DCLK2: variants seen among roughly 807,000 people sequenced by gnomAD.
DCLK2 encodes doublecortin like kinase 2, also known as serine/threonine-protein kinase DCLK2.
In DCLK2, 31 loss-of-function variants were observed where a neutral mutation model predicts 78.4. That is an observed-to-expected ratio of 0.40 (90% CI 0.30 to 0.53). The LOEUF is 0.53. Among genes scored for constraint, DCLK2 ranks in the 20% least tolerant of loss-of-function variants. The pLI, the probability that DCLK2 is intolerant of heterozygous loss-of-function variation, is 0.61. For synonymous variants in DCLK2, 407 were observed against 374.9 expected, an observed-to-expected ratio of 1.09 and a Z score of -0.99; for missense variants, 872 against 973.7, an observed-to-expected ratio of 0.90 and a Z score of 1.39.
chr4:150,211,995 T>C lies in DCLK2; in HGVS notation c.1056+8106T>C, dbSNP rs529853239. 2.0e-5 allele frequency among the ~76,000 whole-genome samples: 3 copies of C among 152,326 alleles called. No homozygotes were observed. The South Asian group carries it at 6.2e-4, about 32-fold the overall frequency. ...GGATGAAGAAAGCATTTCCCTGAAC[T>C]TTAATTCATCATTCATGTTCCAGTT... On this transcript the variant is annotated intron_variant, in intron 5 of 15. Transcript: ENST00000296550.
intron 2 of DCLK2, among the ~76,000 whole-genome samples, chr4:150,122,364 C>T (rs1027922265): frequency 3.3e-5 from 5 of 152,104 alleles, no homozygotes; most frequent in Admixed American, 2.6e-4. Flanking sequence ...TCCATATGCC[C>T]GTCAATGATA....
chr4:150,219,089 A>G (rs531841360), intron 5 of DCLK2, among the ~76,000 whole-genome samples: 7 of 151,968 alleles, frequency 4.6e-5, no homozygotes, highest in Non-Finnish European at 1.0e-4. Flanking sequence ...CTGTAGTCCC[A>G]GCTACTTGGG....
chr4:150,139,813 T>A (rs1211644821), intron 2 of DCLK2, among the ~76,000 whole-genome samples: 1 of 152,228 alleles, frequency 6.6e-6, no homozygotes, highest in Non-Finnish European at 1.5e-5. Flanking sequence ...GAGTCAAGTG[T>A]ACATTCCAGT....
At chr4:150,241,021 G>A (rs1018376377) in intron 12 of DCLK2, among the ~76,000 whole-genome samples, 8 of 152,084 alleles carry the variant, frequency 5.3e-5, no homozygotes, top group East Asian at 1.9e-4. Context: ...GAAGCAGTCC[G>A]AATCCTTCCA....
At position 150,175,064 on chromosome 4, in the gene DCLK2, T is replaced by TTA. The variant is rs367731947; in HGVS notation, c.757-18066_757-18065dup. ...TATATTTATATATTTATATATATATTTATATATATTTATATATTTATATAT... is the reference window on the plus strand; with the variant it reads ...TATATTTATATATTTATATATATATTTATATATATATTTATATATTTATATAT... On this transcript the variant is annotated intron_variant, in intron 2 of 15. Coordinates refer to ENST00000296550, the MANE Select transcript of DCLK2 (RefSeq NM_001040260.4). Among the ~76,000 whole-genome samples the TTA allele has an allele frequency of 4.3e-4, 5 of 11,706 alleles. 1 individual carries two copies. Among genetic ancestry groups the TTA allele is most frequent in the African/African-American group, 1.2e-3 (5 of 4,246 alleles). The allele number at this position is 11,706 out of a possible 152,430, so 7.7% of individuals were successfully genotyped here. A position where few individuals can be genotyped will look rare whatever the true frequency, so the allele number is the denominator to read the frequency against.
At chr4:150,253,427 T>A (rs1407555628) in intron 15 of DCLK2, 5 of 1,289,370 alleles carry the variant, frequency 3.9e-6, no homozygotes, top group Admixed American at 2.3e-5. Flanking sequence ...TCCATAAAGG[T>A]GAAAAAAAAG....
intron 2 of DCLK2, among the ~76,000 whole-genome samples, chr4:150,147,597 A>G (rs1009140135): frequency 1.3e-5 from 2 of 152,242 alleles, no homozygotes; most frequent in Non-Finnish European, 2.9e-5. Flanking sequence ...GACCACTGTC[A>G]TTCCTTATAA....
intron 10 of DCLK2, among the ~76,000 whole-genome samples, chr4:150,235,073 A>G (rs1018161612): frequency 6.6e-6 from 1 of 152,152 alleles, no homozygotes; most frequent in Non-Finnish European, 1.5e-5. Flanking sequence ...TAGTTACTGC[A>G]TTCTCTGAAA....
chr4:150,214,375 C>T (rs1740522453), intron 5 of DCLK2, among the ~76,000 whole-genome samples: 1 of 152,178 alleles, frequency 6.6e-6, no homozygotes, highest in Non-Finnish European at 1.5e-5. Flanking sequence ...GAAAGAATGG[C>T]TGCTTTATAG....
Position 150,251,288 on chromosome 4 carries a change from AT to A in DCLK2, c.2073+1606del, listed in dbSNP as rs1289951618. The stretch of plus-strand genomic sequence containing the variant: ...ATCCCCCACACCCCCCACACCACAC[AT>A]TCCCTCACACCCCCCACACCACACA... On this transcript the variant is annotated intron_variant, in intron 15 of 15. Coordinates refer to ENST00000296550, the MANE Select transcript of DCLK2 (RefSeq NM_001040260.4). Among the ~76,000 whole-genome samples the A allele has an allele frequency of 3.0e-4, 2 of 6,680 alleles. 1 individual carries two copies. The highest frequency in any genetic ancestry group is 4.4e-4 in the Non-Finnish European group (2 of 4,536). 4.4% of individuals were successfully genotyped at this position (6,680 alleles called of 152,430 possible). A position where few individuals can be genotyped will look rare whatever the true frequency, so the allele number is the denominator to read the frequency against.
chr4:150,190,364 A>C (rs1738362474), intron 2 of DCLK2, among the ~76,000 whole-genome samples: 1 of 152,172 alleles, frequency 6.6e-6, no homozygotes, highest in African/African-American at 2.4e-5. Context: ...GAGGAAAGGC[A>C]TGGTGGTAAG....
At chr4:150,235,943 T>G (rs1742468222) in intron 10 of DCLK2, among the ~76,000 whole-genome samples, 1 of 152,170 alleles carries the variant, frequency 6.6e-6, no homozygotes, top group Non-Finnish European at 1.5e-5. Flanking sequence ...TGCTGTGAGT[T>G]ACAGCCTGGT....
At chr4:150,133,897 A>G (rs1030585712) in intron 2 of DCLK2, among the ~76,000 whole-genome samples, 1 of 152,130 alleles carries the variant, frequency 6.6e-6, no homozygotes, top group African/African-American at 2.4e-5. Context: ...AGGTCTTTGC[A>G]TGCTTTTCAA....
At chr4:150,216,168 C>T (rs1740701759) in intron 5 of DCLK2, among the ~76,000 whole-genome samples, 1 of 152,162 alleles carries the variant, frequency 6.6e-6, no homozygotes, top group Non-Finnish European at 1.5e-5. Context: ...TTTTGGTAAT[C>T]TGCTTATCAA....
At chr4:150,255,858 C>T (rs530899306) in intron 15 of DCLK2, among the ~76,000 whole-genome samples, 162 bp from the exon 16 acceptor site, 3 of 152,194 alleles carry the variant, frequency 2.0e-5, no homozygotes, top group Non-Finnish European at 2.9e-5. Flanking sequence ...GGTGGGTTCC[C>T]GAAACCATTA....
At chr4:150,224,423 A>G in intron 7 of DCLK2, 78 bp from the exon 8 acceptor site, 3 of 1,374,042 alleles carry the variant, frequency 2.2e-6, no homozygotes, top group Non-Finnish European at 3.0e-6. Context: ...AAAAAATTAA[A>G]GTATAAAAAA....
At chr4:150,207,224 T>A (rs1330005861) in intron 5 of DCLK2, among the ~76,000 whole-genome samples, 1 of 152,208 alleles carries the variant, frequency 6.6e-6, no homozygotes, top group African/African-American at 2.4e-5. Context: ...CACGACAGCA[T>A]GTGCAGGAGC....
chr4:150,254,042 G>C (rs1382972941), intron 15 of DCLK2, among the ~76,000 whole-genome samples: 1 of 152,220 alleles, frequency 6.6e-6, no homozygotes. Flanking sequence ...CATTTTCTTG[G>C]ACTTGTCCTT....
chr4:150,127,496 G>A (rs959348887), intron 2 of DCLK2, among the ~76,000 whole-genome samples: 6 of 152,162 alleles, frequency 3.9e-5, no homozygotes, highest in Non-Finnish European at 8.8e-5. Flanking sequence ...TGGCTCAGAT[G>A]TGGTCAATGG....
Sources: allele counts gnomAD v4.1 joint callset (sites outside exome capture counted in the v4.1 genomes callset), GRCh38; gene constraint gnomAD v4.1.1; transcripts MANE v1.5; gene names NCBI Gene and HGNC (gene_info 2026-07-23, HGNC 2026-07-21).